The following PCDHA5 variants were observed in gnomAD, a reference collection of about 807,000 sequenced individuals.
PCDHA5 encodes protocadherin alpha 5.
A neutral mutation model predicts 61.6 loss-of-function variants in PCDHA5; 43 were observed. That is an observed-to-expected ratio of 0.70 (90% confidence interval 0.55 to 0.90). The LOEUF is 0.90. Among genes scored for constraint, PCDHA5 ranks in the 40% least tolerant of loss-of-function variants. The probability of loss-of-function intolerance (pLI) is 0.00; values close to 1 mark genes in which losing one functional copy is unlikely to be tolerated. For missense variants in PCDHA5, 1,298 were observed against 1,222.7 expected (o/e 1.06, Z -0.92); for synonymous variants, 627 against 543.9 (o/e 1.15, Z -2.13).
chr5:140,822,016 G>A lies in PCDHA5; in HGVS notation c.241G>A (p.Gly81Ser), dbSNP rs1193134042. 6.2e-7 allele frequency: 1 copy of A among 1,614,196 alleles called. No homozygotes were observed. The highest frequency in any genetic ancestry group is 8.5e-7 in the Non-Finnish European group (1 of 1,180,052). Reference protein sequence around the residue: ...GDLLEVNLQNGILFVNSRIDR... With the variant: ...GDLLEVNLQNSILFVNSRIDR... ...CCTTCTGGAGGTAAATCTGCAGAATGGCATTTTGTTTGTGAATTCTCGGAT... is the reference window on the plus strand; with the variant it reads ...CCTTCTGGAGGTAAATCTGCAGAATAGCATTTTGTTTGTGAATTCTCGGAT... Residue 81 changes from glycine to serine, a missense_variant, in exon 1 of 4, where the codon GGC becomes AGC. Transcript: ENST00000529859.
chr5:140,871,007 C>T (rs1554164969), intron 1 of PCDHA5: 1 of 1,613,314 alleles, frequency 6.2e-7, no homozygotes, highest in South Asian at 1.1e-5. Context: ...ACAACGCGTG[C>T]CCTGGACGAG....
chr5:140,843,259 T>G lies in PCDHA5; in HGVS notation c.2352+19132T>G, dbSNP rs143217470. Reference sequence around the variant, plus strand: ...ACGAAGCGGACTCTCCGCGCCACCGTCTGCTGGTCCTGGTGAAGGATCATG... The same window carrying G: ...ACGAAGCGGACTCTCCGCGCCACCGGCTGCTGGTCCTGGTGAAGGATCATG... On this transcript the variant is annotated intron_variant, in intron 1 of 3. Transcript: ENST00000529859. 98 of 1,596,004 alleles carry G rather than the reference T, an allele frequency of 6.1e-5. 8 individuals are homozygous for G. In the African/African-American group the frequency reaches 1.1e-3, roughly 18 times the overall value.
chr5:141,010,535 C>G lies in PCDHA5; in HGVS notation c.*598C>G, dbSNP rs1423355739. 1 of 386,620 alleles carries G rather than the reference C, an allele frequency of 2.6e-6. No homozygotes were observed. Among genetic ancestry groups the G allele is most frequent in the African/African-American group, 2.0e-5 (1 of 48,880 alleles). 23.9% of individuals were successfully genotyped at this position (386,620 alleles called of 1,614,324 possible). On this transcript the variant is annotated 3_prime_UTR_variant, in exon 4 of 4. Coordinates refer to ENST00000529859, the MANE Select transcript of PCDHA5 (RefSeq NM_018908.3). ...CAACTCAAGAGGTGGCAGCCACCCT[C>G]TAGGAGACAAAACTACCCCCACTGA...
chr5:140,833,155 A>G (rs2150206613), intron 1 of PCDHA5, among the ~76,000 whole-genome samples: 1 of 152,342 alleles, frequency 6.6e-6, no homozygotes, highest in South Asian at 2.1e-4. Flanking sequence ...CAATACGAAT[A>G]AAAAGTATTA....
chr5:140,861,632 A>G (rs1314096154), intron 1 of PCDHA5: 8 of 308,696 alleles, frequency 2.6e-5, no homozygotes, highest in Non-Finnish European at 3.9e-5. Context: ...TGTTCTCAGC[A>G]ACACAAAAGA....
rs1207415477 is a variant in PCDHA5 at position 140,980,276 on chromosome 5, T to C, written c.2411+1269T>C. 1.3e-5 allele frequency among the ~76,000 whole-genome samples: 2 copies of C among 152,224 alleles called. 1 individual carries two copies. The highest frequency in any genetic ancestry group is 2.9e-5 in the Non-Finnish European group (2 of 68,040). On this transcript the variant is annotated intron_variant, in intron 2 of 3. Transcript: ENST00000529859. ...AAAGCATGGTTTACAGTACCAACTC[T>C]TGAAAAGTACCAAAGCTATGAGTTG... is the stretch of plus-strand genomic sequence containing the variant.
intron 1 of PCDHA5, chr5:140,824,899 A>C (rs2150137635): frequency 1.3e-5 from 2 of 152,270 alleles, no homozygotes; most frequent in East Asian, 3.9e-4. Context: ...AACTTTGCCT[A>C]AGCAGTTCAC....
rs74520967 is a variant in PCDHA5 at position 140,931,074 on chromosome 5, G to A, written c.2353-47875G>A. Among the ~76,000 whole-genome samples, 869 of 152,264 alleles carry A rather than the reference G, an allele frequency of 5.7e-3. 7 individuals are homozygous for A. The highest frequency in any genetic ancestry group is 0.018 in the African/African-American group (768 of 41,552). ...ATGCTGTGTCTGGGACTAAGTATGAGTCCAGTTCTACAGATGACAAAGGAA... is the reference window on the plus strand; with the variant it reads ...ATGCTGTGTCTGGGACTAAGTATGAATCCAGTTCTACAGATGACAAAGGAA... On this transcript the variant is annotated intron_variant, in intron 1 of 3. Coordinates refer to ENST00000529859, the MANE Select transcript of PCDHA5 (RefSeq NM_018908.3).
intron 1 of PCDHA5, chr5:140,827,909 A>T: frequency 1.2e-6 from 1 of 822,554 alleles, no homozygotes; most frequent in Non-Finnish European, 1.9e-6. Context: ...GAGCCGCATG[A>T]TGTCGCTGTC....
At chr5:140,967,306 C>G (rs1554229415) in intron 1 of PCDHA5, 2 of 1,612,350 alleles carry the variant, frequency 1.2e-6, no homozygotes, top group African/African-American at 2.7e-5. Flanking sequence ...TGGGCGCCAA[C>G]TCAGTACAGA....
Position 140,858,252 on chromosome 5 carries a change from C to A in PCDHA5, c.2352+34125C>A, listed in dbSNP as rs1554151333. On this transcript the variant is annotated intron_variant, in intron 1 of 3. Coordinates refer to ENST00000529859, the MANE Select transcript of PCDHA5 (RefSeq NM_018908.3). The stretch of plus-strand genomic sequence containing the variant: ...GAGGGCGCATGTGGGCCGGTGAAGC[C>A]CACGCTGGTGTGCTCTAGCGCGGTG... 3 of 1,596,744 alleles carry A rather than the reference C, an allele frequency of 1.9e-6. 1 individual carries two copies. The Admixed American group carries it at 5.1e-5, about 27-fold the overall frequency.
At chr5:140,967,518 A>T (rs1554229639) in intron 1 of PCDHA5, 1 of 1,612,930 alleles carries the variant, frequency 6.2e-7, no homozygotes, top group Non-Finnish European at 8.5e-7. Flanking sequence ...CTGGACACTA[A>T]CGACAACTCT....
Position 140,823,817 on chromosome 5 carries a change from C to A in PCDHA5, c.2042C>A (p.Ala681Glu). The A allele has an allele frequency of 6.2e-7, 1 of 1,613,782 alleles. No homozygotes were observed. The change falls in exon 1 of 4, where the codon GCG (alanine) becomes GAG (glutamate). Residue 681 changes from alanine (A) to glutamate (E), a missense_variant. Transcript: ENST00000529859. Reference sequence around the variant, plus strand: ...CAGGCGCCGAAGGCCTCATCGCGGGCGTCGGCGGGCGCTGTGGGTCCCGAG... The same window carrying A: ...CAGGCGCCGAAGGCCTCATCGCGGGAGTCGGCGGGCGCTGTGGGTCCCGAG... ...SGQAPKASSR[A>E]SAGAVGPEAA...
At chr5:140,928,400 C>T (rs1441591334) in intron 1 of PCDHA5, 15 of 1,614,038 alleles carry the variant, frequency 9.3e-6, no homozygotes, top group Non-Finnish European at 1.3e-5. Context: ...GTGGAATCAT[C>T]CAGTGGGGCC....
chr5:140,960,913 T>C (rs184385777), intron 1 of PCDHA5, among the ~76,000 whole-genome samples: 10 of 152,320 alleles, frequency 6.6e-5, no homozygotes, highest in Admixed American at 2.6e-4. Flanking sequence ...GAGTTTCAGA[T>C]AGAAAATTGG....
At chr5:140,890,738 A>G (rs1283898948) in intron 1 of PCDHA5, among the ~76,000 whole-genome samples, 1 of 152,200 alleles carries the variant, frequency 6.6e-6, no homozygotes. Context: ...TGACTTATAT[A>G]CTATTTCTGT....
intron 1 of PCDHA5, chr5:140,884,432 C>G: frequency 6.2e-7 from 1 of 1,613,880 alleles, no homozygotes; most frequent in Non-Finnish European, 8.5e-7. Context: ...TACTGCGCTG[C>G]GGTGCTCGGC....
At chr5:140,825,330 A>G (rs1431095392) in intron 1 of PCDHA5, 1 of 146,462 alleles carries the variant, frequency 6.8e-6, no homozygotes. Context: ...GGAAATTTGC[A>G]TATTTTTCAA....
At chr5:140,846,565 G>A (rs1349132740) in intron 1 of PCDHA5, among the ~76,000 whole-genome samples, 1 of 147,896 alleles carries the variant, frequency 6.8e-6, no homozygotes, top group African/African-American at 2.5e-5. Flanking sequence ...TAGTAGAGTC[G>A]GGGTTTCACC....
Sources: allele counts gnomAD v4.1 joint callset (sites outside exome capture counted in the v4.1 genomes callset), GRCh38; gene constraint gnomAD v4.1.1; transcripts MANE v1.5; gene names NCBI Gene and HGNC (gene_info 2026-07-23, HGNC 2026-07-21).